MYH4: variants seen among roughly 807,000 people sequenced by gnomAD.
MYH4 encodes the protein myosin heavy chain 4, also known as myosin-4.
A neutral mutation model predicts 229.9 loss-of-function variants in MYH4; 200 were observed. The observed-to-expected ratio is 0.87, with a 90% CI of 0.78 to 0.98. MYH4 has a LOEUF of 0.98. Among genes scored for constraint, MYH4 ranks in the 50% least tolerant of loss-of-function variants. The pLI, the probability that MYH4 is intolerant of heterozygous loss-of-function variation, is 0.00. For missense variants in MYH4, 2,148 were observed against 2,332.6 expected, an observed-to-expected ratio of 0.92 and a Z score of 1.63; for synonymous variants, 761 against 834.6, an observed-to-expected ratio of 0.91 and a Z score of 1.52.
At position 10,452,926 on chromosome 17, in the gene MYH4, C is replaced by A; in HGVS notation, c.3118G>T (p.Gly1040Ter). Residue 1040 changes from glycine (G) to a stop codon, truncating the protein, a stop_gained, in exon 25 of 40, where the codon GGA (glycine) becomes TGA (stop). Transcript: ENST00000255381. LOFTEE classifies it high-confidence loss of function. ...AGTTTCTTTTCTTGTTCCAGAGATCCTTCAAGCTAAATTTATGATGCATTT... is the reference window on the plus strand; with the variant it reads ...AGTTTCTTTTCTTGTTCCAGAGATCATTCAAGCTAAATTTATGATGCATTT... The part of the protein sequence containing the change: ...KLEQQVDDLE[G>*]SLEQEKKLCM... The A allele has an allele frequency of 6.2e-7, 1 of 1,603,276 alleles. No individual in the cohort carries two copies. Among genetic ancestry groups the A allele is most frequent in the Non-Finnish European group, 8.5e-7 (1 of 1,177,916 alleles).
chr17:10,457,736 A>G lies in MYH4; in HGVS notation c.1588-7T>C. 6.2e-7 allele frequency: 1 copy of G among 1,611,062 alleles called. No individual in the cohort carries two copies. Among genetic ancestry groups the G allele is most frequent in the Non-Finnish European group, 8.5e-7 (1 of 1,178,104 alleles). On this transcript the variant is annotated splice_polypyrimidine_tract_variant and splice_region_variant and intron_variant, in intron 15 of 39. Transcript: ENST00000255381. ...TGGAGAAGATGCCCATAGGCTAAGAATAGGAAAAAAGGGATGATAATGATG... is the reference window on the plus strand; with the variant it reads ...TGGAGAAGATGCCCATAGGCTAAGAGTAGGAAAAAAGGGATGATAATGATG...
Position 10,448,958 on chromosome 17 carries a change from C to G in MYH4, c.4271G>C (p.Arg1424Thr). 2 of 1,614,030 alleles carry G rather than the reference C, an allele frequency of 1.2e-6. No homozygotes were observed. The highest frequency in any genetic ancestry group is 1.3e-5 in the African/African-American group (1 of 75,042). ...GAGGTCCTCTACTTCATTCTGTAGCCTCTGCTTTGTCTTTTCAAGAGAAGC... is the reference window on the plus strand; with the variant it reads ...GAGGTCCTCTACTTCATTCTGTAGCGTCTGCTTTGTCTTTTCAAGAGAAGC... ...KCASLEKTKQ[R>T]LQNEVEDLMI... The change falls in exon 31 of 40, where the codon AGG becomes ACG. Residue 1424 changes from arginine to threonine, a missense_variant. Physicochemically the swap from Arg to Thr is moderately conservative, Grantham distance 71. Coordinates refer to ENST00000255381, the MANE Select transcript of MYH4 (RefSeq NM_017533.2).
At position 10,459,310 on chromosome 17, in the gene MYH4, C is replaced by A. The variant is rs773365313; in HGVS notation, c.1528G>T (p.Glu510Ter). 5.6e-6 allele frequency: 9 copies of A among 1,614,044 alleles called. No homozygotes were observed. The highest frequency in any genetic ancestry group is 1.7e-5 in the Admixed American group (1 of 59,994). ...ATCCCGAAGTCAATGAACTCCCACT[C>A]GATGCCTTCCTTCTTGTACTCTTCC... Reference protein sequence around the residue: ...EQEEYKKEGIEWEFIDFGMDL... With the variant: ...EQEEYKKEGI The change falls in exon 15 of 40, where the codon GAG (glutamate) becomes TAG (stop). Residue 510 changes from glutamate to a stop codon, truncating the protein, a stop_gained. Coordinates refer to ENST00000255381, the MANE Select transcript of MYH4 (RefSeq NM_017533.2). LOFTEE classifies it high-confidence loss of function.
chr17:10,457,752 GATA>G, intron 15 of MYH4, 23 bp from the exon 16 acceptor site: 1 of 1,599,546 alleles, frequency 6.3e-7, no homozygotes, highest in East Asian at 2.2e-5. Flanking sequence ...AAAAAGGGAT[GATA>G]ATGATGAGTC....
intron 16 of MYH4, 42 bp from the exon 17 acceptor site, chr17:10,456,597 C>T (rs2072641545): frequency 1.3e-6 from 2 of 1,510,284 alleles, no homozygotes; most frequent in Non-Finnish European, 1.8e-6. Flanking sequence ...TTGCAACTGC[C>T]TTTTAAGTAC....
intron 2 of MYH4, among the ~76,000 whole-genome samples, chr17:10,468,852 T>A (rs561174990): frequency 6.6e-6 from 1 of 152,342 alleles, no homozygotes; most frequent in Non-Finnish European, 1.5e-5. Flanking sequence ...GCAGGTTTGT[T>A]AATTCCACTT....
In MYH4 at chr17:10,447,031, C is replaced by T. The variant is rs1391774394; in HGVS notation, c.5151G>A (p.Val1717=). 1 of 1,614,010 alleles carries T rather than the reference C, an allele frequency of 6.2e-7. No individual in the cohort carries two copies. The highest frequency in any genetic ancestry group is 2.2e-5 in the East Asian group (1 of 44,882). ...EQELLDASER[V]QLLHTQNTSL... is the part of the protein sequence containing the mutation. ...ACCTCACCTGAGTGTGCAGAAGTTG[C>T]ACACGTTCACTGGCATCCAGAAGCT... Residue 1717 remains valine, a synonymous_variant, in exon 35 of 40, where the codon GTG becomes GTA. Coordinates refer to ENST00000255381, the MANE Select transcript of MYH4 (RefSeq NM_017533.2).
intron 35 of MYH4, among the ~76,000 whole-genome samples, chr17:10,446,046 A>G (rs1056233844): frequency 6.6e-6 from 1 of 151,172 alleles, no homozygotes; most frequent in Non-Finnish European, 1.5e-5. Context: ...AAAAAAAAAA[A>G]AAAAAATAGT....
At chr17:10,444,522 C>T (rs764865138) in intron 39 of MYH4, 82 bp downstream of exon 39, 6 of 995,038 alleles carry the variant, frequency 6.0e-6, no homozygotes, top group African/African-American at 1.6e-5. Flanking sequence ...TTAAAGAAAA[C>T]CCCCTAAATT....
In MYH4 at chr17:10,460,820, C is replaced by A. The variant is rs1361800362; in HGVS notation, c.1147+96G>T. ...CTTCTCGTAATACTTTTGCCCTTCA[C>A]GAGCTAGGTCAGAGAAAGTAAAAAC... On this transcript the variant is annotated intron_variant, in intron 12 of 39. Transcript: ENST00000255381. The A allele has an allele frequency of 3.7e-6, 5 of 1,340,084 alleles. No homozygotes were observed. The African/African-American group carries it at 7.3e-5, about 19-fold the overall frequency. 83.0% of individuals were successfully genotyped at this position (1,340,084 alleles called of 1,614,324 possible).
At chr17:10,450,015 A>T (rs373133196) in intron 30 of MYH4, among the ~76,000 whole-genome samples, 1 of 152,220 alleles carries the variant, frequency 6.6e-6, no homozygotes, top group Non-Finnish European at 1.5e-5. Flanking sequence ...ATAGGTTGTT[A>T]GTTGAAATAA....
At position 10,451,371 on chromosome 17, in the gene MYH4, T is replaced by C. The variant is rs749854300; in HGVS notation, c.3820A>G (p.Ile1274Val). 1.9e-6 allele frequency: 3 copies of C among 1,614,066 alleles called. No individual in the cohort carries two copies. Among genetic ancestry groups the C allele is most frequent in the Non-Finnish European group, 2.5e-6 (3 of 1,179,972 alleles). The change falls in exon 28 of 40, where the codon ATA becomes GTA. Residue 1274 changes from isoleucine (I) to valine (V), a missense_variant. Ile to Val is a conservative substitution (Grantham distance 29). Transcript: ENST00000255381. ...GCCTTCTGGGCTGACAACTCATTTATTAAGCGTTGTTGCTCTTCTTCCTTT... is the reference window on the plus strand; with the variant it reads ...GCCTTCTGGGCTGACAACTCATTTACTAAGCGTTGTTGCTCTTCTTCCTTT... ...KTKEEEQQRL[I>V]NELSAQKARL...
At chr17:10,447,692 G>T in intron 34 of MYH4, 126 bp downstream of exon 34, 3 of 961,536 alleles carry the variant, frequency 3.1e-6, no homozygotes, top group Non-Finnish European at 4.7e-6. Context: ...GTATAACTTT[G>T]AACTTTGAAC....
rs2072531376 is a variant in MYH4, at chr17:10,448,067, C to T, written c.4716G>A (p.Val1572=). ...ILRIQLELNQ[V]KSEIDRKIAE... ...CAATTTTTCGGTCAATCTCAGATTT[C>T]ACCTGATTTAGCTCAAGTTGAATGC... is the stretch of plus-strand genomic sequence containing the variant. Residue 1572 remains valine, a synonymous_variant, in exon 34 of 40, where the codon GTG becomes GTA. Coordinates refer to ENST00000255381, the MANE Select transcript of MYH4 (RefSeq NM_017533.2). The T allele has an allele frequency of 6.2e-7, 1 of 1,614,038 alleles. No homozygotes were observed. Among genetic ancestry groups the T allele is most frequent in the South Asian group, 1.1e-5 (1 of 91,080 alleles).
At chr17:10,460,142 A>G in intron 13 of MYH4, 41 bp from the exon 14 acceptor site, 1 of 1,613,920 alleles carries the variant, frequency 6.2e-7, no homozygotes, top group Non-Finnish European at 8.5e-7. Flanking sequence ...AATTGAAAAC[A>G]GTGATGAACT....
At position 10,463,129 on chromosome 17, in the gene MYH4, A is replaced by G; in HGVS notation, c.865T>C (p.Phe289Leu). The G allele has an allele frequency of 6.2e-7, 1 of 1,613,692 alleles. No individual in the cohort carries two copies. Among genetic ancestry groups the G allele is most frequent in the Non-Finnish European group, 8.5e-7 (1 of 1,179,806 alleles). ...QLKAERSYHI[F>L]YQILSNKKPE... ...TTCTTATTGGACAGGATTTGATAAA[A>G]TATGTGGTAGCTTCTTTCAGCCTTT... The change falls in exon 10 of 40, where the codon TTT becomes CTT. Residue 289 changes from phenylalanine (F) to leucine (L), a missense_variant. Transcript: ENST00000255381.
At position 10,452,839 on chromosome 17, in the gene MYH4, A is replaced by T; in HGVS notation, c.3205T>A (p.Ser1069Thr). The change falls in exon 25 of 40, where the codon TCC becomes ACC. Residue 1069 changes from serine (S) to threonine (T), a missense_variant. Coordinates refer to ENST00000255381, the MANE Select transcript of MYH4 (RefSeq NM_017533.2). ...TTGTCATTTTCTGTATCCATTGTGG[A>T]TTCTTGGGCCAATTTTAGGTCACCC... ...LEGDLKLAQE[S>T]TMDTENDKQQ... 1 of 1,609,672 alleles carries T rather than the reference A, an allele frequency of 6.2e-7. No individual in the cohort carries two copies. The highest frequency in any genetic ancestry group is 2.2e-5 in the East Asian group (1 of 44,834).
At chr17:10,454,869 A>C (rs2072620666) in intron 21 of MYH4, 59 bp from the exon 22 acceptor site, 5 of 1,610,164 alleles carry the variant, frequency 3.1e-6, no homozygotes, top group Non-Finnish European at 4.2e-6. Context: ...ATCATCACTC[A>C]ACAAAAGTAA....
chr17:10,443,819 A>G lies in MYH4; in HGVS notation c.5668-292T>C, dbSNP rs1220615124. 6.6e-6 allele frequency among the ~76,000 whole-genome samples: 1 copy of G among 152,110 alleles called. No individual in the cohort carries two copies. The highest frequency in any genetic ancestry group is 1.5e-5 in the Non-Finnish European group (1 of 68,014). On this transcript the variant is annotated intron_variant, in intron 39 of 39. Coordinates refer to ENST00000255381, the MANE Select transcript of MYH4 (RefSeq NM_017533.2). The surrounding 1 kb of genome is among the most constrained non-coding windows in gnomAD (Gnocchi z 4.6). The stretch of plus-strand genomic sequence containing the variant: ...TTCCAGCTACTCAGGAGGCTGAGGC[A>G]GGAGAATCTCTTGGACCCAGGAGGC...
Sources: allele counts gnomAD v4.1 joint callset (sites outside exome capture counted in the v4.1 genomes callset), GRCh38; gene constraint gnomAD v4.1.1; non-coding constraint Gnocchi (gnomAD v3.1); transcripts MANE v1.5; gene names NCBI Gene and HGNC (gene_info 2026-07-23, HGNC 2026-07-21).